FRMD4B: variants seen among roughly 807,000 people sequenced by gnomAD.
FRMD4B encodes FERM domain containing 4B.
FRMD4B carries 74 observed loss-of-function variants against 141.5 expected under a neutral mutation model. The ratio of observed to expected loss-of-function variants is 0.52; its 90% confidence interval spans 0.43 to 0.63. FRMD4B has a LOEUF of 0.63. Among genes scored for constraint, FRMD4B ranks in the 30% least tolerant of loss-of-function variants. FRMD4B has a pLI of 0.00. For missense variants in FRMD4B, 1,366 were observed against 1,253.4 expected (o/e 1.09, Z -1.36); for synonymous variants, 506 against 467.9 (o/e 1.08, Z -1.05).
In FRMD4B at chr3:69,478,182, G is replaced by C. The variant is rs528482136; in HGVS notation, c.-128-45421C>G. 6.5e-3 allele frequency among the ~76,000 whole-genome samples: 990 copies of C among 152,074 alleles called. 13 individuals carry two copies. Among genetic ancestry groups the C allele is most frequent in the African/African-American group, 0.023 (942 of 41,478 alleles). On this transcript the variant is annotated intron_variant, in intron 1 of 5. Transcript: ENST00000459638. ...TCCTGGATTTATTGATTTTTTGAAG[G>C]GTTTTTTGTGTCTCTATTTCCTTCA...
At chr3:69,415,708 G>A (rs537720402) in intron 2 of FRMD4B, among the ~76,000 whole-genome samples, 13 of 152,308 alleles carry the variant, frequency 8.5e-5, no homozygotes, top group African/African-American at 3.1e-4. Flanking sequence ...ACTTTAGTCT[G>A]CAATTATGCA....
intron 1 of FRMD4B, among the ~76,000 whole-genome samples, chr3:69,327,559 G>C (rs1349785601): frequency 6.6e-6 from 1 of 152,138 alleles, no homozygotes; most frequent in African/African-American, 2.4e-5. Flanking sequence ...CGTCAACCCT[G>C]TTAGAATGTC....
intron 1 of FRMD4B, among the ~76,000 whole-genome samples, chr3:69,498,062 C>T (rs918368000): frequency 3.3e-5 from 5 of 152,074 alleles, no homozygotes; most frequent in African/African-American, 9.7e-5. Flanking sequence ...AGAATGCTGC[C>T]GAGGAAGCTG....
chr3:69,239,795 G>T (rs570876880), intron 7 of FRMD4B, among the ~76,000 whole-genome samples: 2 of 152,118 alleles, frequency 1.3e-5, no homozygotes, highest in Admixed American at 6.5e-5. Flanking sequence ...GGTGGCTCAC[G>T]CCTGTAATCC....
intron 1 of FRMD4B, among the ~76,000 whole-genome samples, chr3:69,366,116 T>A (rs1575767650): frequency 6.8e-6 from 1 of 147,190 alleles, no homozygotes; most frequent in African/African-American, 2.6e-5. Context: ...CAAAATTAGC[T>A]GGTCATGGTG....
intron 1 of FRMD4B, among the ~76,000 whole-genome samples, chr3:69,530,532 A>G (rs1700996472): frequency 6.6e-6 from 1 of 152,076 alleles, no homozygotes; most frequent in African/African-American, 2.4e-5. Context: ...TCCAGCCATC[A>G]GAATCATGAG....
chr3:69,399,639 T>C (rs1704527709), intron 2 of FRMD4B, among the ~76,000 whole-genome samples: 1 of 152,178 alleles, frequency 6.6e-6, no homozygotes, highest in African/African-American at 2.4e-5. Context: ...CTCAGGCTCT[T>C]TATATTTGTG....
chr3:69,200,486 C>T (rs1679948733), intron 11 of FRMD4B: 1 of 991,430 alleles, frequency 1.0e-6, no homozygotes, highest in Non-Finnish European at 1.2e-6. Flanking sequence ...TCCCCCCTCC[C>T]AGACGGCAGC....
intron 1 of FRMD4B, among the ~76,000 whole-genome samples, chr3:69,436,357 T>C (rs916045288): frequency 7.2e-5 from 11 of 152,118 alleles, no homozygotes; most frequent in South Asian, 2.1e-4. Context: ...TTAACACTGA[T>C]AATAAAAAAA....
intron 1 of FRMD4B, among the ~76,000 whole-genome samples, chr3:69,447,195 T>C (rs1365856542): frequency 6.6e-6 from 1 of 152,228 alleles, no homozygotes; most frequent in Non-Finnish European, 1.5e-5. Context: ...AACAGTATCA[T>C]AATTTATAAG....
At chr3:69,479,892 G>A (rs1706087838) in intron 1 of FRMD4B, among the ~76,000 whole-genome samples, 1 of 152,154 alleles carries the variant, frequency 6.6e-6, no homozygotes, top group African/African-American at 2.4e-5. Flanking sequence ...ATTTCTTGGA[G>A]GCTTTGTTCG....
chr3:69,339,537 G>C (rs1451463720), intron 1 of FRMD4B, among the ~76,000 whole-genome samples: 1 of 152,096 alleles, frequency 6.6e-6, no homozygotes, highest in Non-Finnish European at 1.5e-5. Context: ...CGTTAGCCAT[G>C]ATGACTATTA....
At chr3:69,534,144 C>G (rs1701047212) in intron 1 of FRMD4B, among the ~76,000 whole-genome samples, 1 of 152,168 alleles carries the variant, frequency 6.6e-6, no homozygotes, top group African/African-American at 2.4e-5. Context: ...CCCTCTAGTC[C>G]AGTATTTCCC....
At chr3:69,437,590 T>G (rs1306004496) in intron 1 of FRMD4B, among the ~76,000 whole-genome samples, 1 of 140,036 alleles carries the variant, frequency 7.1e-6, no homozygotes, top group East Asian at 2.1e-4. Context: ...GTATATTATT[T>G]ACAATATTTA....
chr3:69,375,333 C>A (rs959011276), intron 1 of FRMD4B, among the ~76,000 whole-genome samples: 6 of 151,988 alleles, frequency 3.9e-5, no homozygotes, highest in Admixed American at 6.6e-5. Flanking sequence ...ATCCAATCAT[C>A]TATTTAACCA....
chr3:69,231,040 G>C (rs907068438), intron 7 of FRMD4B, among the ~76,000 whole-genome samples: 1 of 152,204 alleles, frequency 6.6e-6, no homozygotes, highest in Admixed American at 6.5e-5. Flanking sequence ...ACAAGCACTC[G>C]ATCTCATCTC....
intron 2 of FRMD4B, among the ~76,000 whole-genome samples, chr3:69,412,496 G>GT (rs1704776076): frequency 6.6e-6 from 1 of 152,200 alleles, no homozygotes; most frequent in Non-Finnish European, 1.5e-5. Context: ...AGAGATAAAG[G>GT]TGGAATATGG....
intron 7 of FRMD4B, among the ~76,000 whole-genome samples, chr3:69,238,971 T>TA (rs1297220954): frequency 1.3e-5 from 2 of 152,184 alleles, no homozygotes; most frequent in African/African-American, 2.4e-5. Context: ...ATACTTATAC[T>TA]AAAAAATTGC....
chr3:69,535,457 T>C (rs1701069494), intron 1 of FRMD4B, among the ~76,000 whole-genome samples: 1 of 152,234 alleles, frequency 6.6e-6, no homozygotes, highest in Admixed American at 6.5e-5. Context: ...TGTGCTGCTA[T>C]CGTTACCATT....
Sources: gnomAD v4.1 joint callset for allele counts (sites outside exome capture counted in the v4.1 genomes callset) on GRCh38, gnomAD v4.1.1 for gene constraint, MANE v1.5 for transcripts, NCBI Gene and HGNC (gene_info 2026-07-23, HGNC 2026-07-21) for gene names.